NSUN2: variants seen among roughly 807,000 people sequenced by gnomAD.
The protein encoded by NSUN2 is NOP2/Sun RNA methyltransferase 2, also known as RNA cytosine C(5)-methyltransferase NSUN2.
Under a neutral mutation model 92.7 loss-of-function variants are expected in NSUN2, and 63 were observed. That is an observed-to-expected ratio of 0.68 (90% CI 0.56 to 0.84). The LOEUF is 0.84. Ranked by LOEUF, NSUN2 falls within the 40% of genes least tolerant of loss-of-function variation. The pLI, the probability that NSUN2 is intolerant of heterozygous loss-of-function variation, is 0.00. For missense variants in NSUN2, 989 were observed against 964.9 expected (o/e 1.02, Z -0.33); for synonymous variants, 356 against 348.3 (o/e 1.02, Z -0.25).
rs112951498 is a variant in NSUN2 at position 6,600,087 on chromosome 5, C to T, written c.2143G>A (p.Val715Ile). Residue 715 changes from valine to isoleucine, a missense_variant, in exon 19 of 19, where the codon GTT becomes ATT. Physicochemically the swap from Val to Ile is conservative, Grantham distance 29. This residue lies in a region of NSUN2 where 626 missense variants were observed against 602.3 expected (regional missense o/e 1.04). Transcript: ENST00000264670. ...EVLGEKKKEG[V>I]ILTNESAAST... ...GCTGCACTCTCATTTGTGAGGATAACCCCTTCCTTCTTCTTTTCTCCCAAT... is the reference window on the plus strand; with the variant it reads ...GCTGCACTCTCATTTGTGAGGATAATCCCTTCCTTCTTCTTTTCTCCCAAT... The T allele has an allele frequency of 7.9e-3, 12,797 of 1,614,208 alleles. 68 individuals are homozygous for T. The highest frequency in any genetic ancestry group is 1.0e-2 in the Non-Finnish European group (11,756 of 1,180,034).
intron 9 of NSUN2, among the ~76,000 whole-genome samples, chr5:6,615,615 GC>G (rs5865671): frequency 0.7 from 105,874 of 151,960 alleles, 37,080 homozygotes; most frequent in Middle Eastern, 0.78. Context: ...GACCGTGAAG[GC>G]CATCAACAAC....
chr5:6,604,670 T>G lies in NSUN2; in HGVS notation c.1753A>C (p.Ile585Leu). 1 of 1,613,724 alleles carries G rather than the reference T, an allele frequency of 6.2e-7. No homozygotes were observed. Among genetic ancestry groups the G allele is most frequent in the Non-Finnish European group, 8.5e-7 (1 of 1,179,782 alleles). ...SEKMKVINTG[I>L]KVWCRNNSGE... ...CTGTTATTTCTACACCAGACTTTGA[T>G]CCCCGTGTTAATAACCTGTAAGTAA... Residue 585 changes from isoleucine to leucine, a missense_variant, in exon 16 of 19, where the codon ATC becomes CTC. Around this residue, in one of 3 missense-constraint regions of NSUN2, gnomAD observed 626 missense variants for 602.3 expected, o/e 1.04. Coordinates refer to ENST00000264670, the MANE Select transcript of NSUN2 (RefSeq NM_017755.6).
At chr5:6,608,067 AT>A (rs1736851293) in intron 12 of NSUN2, among the ~76,000 whole-genome samples, 1 of 152,264 alleles carries the variant, frequency 6.6e-6, no homozygotes, top group Non-Finnish European at 1.5e-5. Context: ...AAATTAGGAT[AT>A]TTCAACACAG....
intron 4 of NSUN2, 108 bp from the exon 5 acceptor site, chr5:6,623,393 TTA>T: frequency 1.1e-6 from 1 of 871,010 alleles, no homozygotes; most frequent in Non-Finnish European, 1.7e-6. Context: ...GCACATAATC[TTA>T]TACAGAATGA....
chr5:6,619,993 G>A (rs748911093), intron 7 of NSUN2, 113 bp downstream of exon 7: 30 of 864,042 alleles, frequency 3.5e-5, no homozygotes, highest in Admixed American at 9.7e-5. Flanking sequence ...ATCTTTCTCC[G>A]CACCCCAAGA....
chr5:6,620,373 A>G, intron 6 of NSUN2, 75 bp from the exon 7 acceptor site: 2 of 1,167,238 alleles, frequency 1.7e-6, no homozygotes, highest in Non-Finnish European at 2.3e-6. Context: ...GCGACCTCCA[A>G]AGGTCAGCCA....
At chr5:6,611,684 G>A (rs996214981) in intron 10 of NSUN2, 41 bp downstream of exon 10, 1 of 1,544,662 alleles carries the variant, frequency 6.5e-7, no homozygotes, top group Non-Finnish European at 9.0e-7. Context: ...CAGTGATGCT[G>A]CACCTACTCT....
Position 6,611,043 on chromosome 5 carries a change from C to G in NSUN2, c.1138G>C (p.Val380Leu). The change falls in exon 11 of 19, where the codon GTT becomes CTT. Residue 380 changes from valine (V) to leucine (L), a missense_variant. This residue lies in a region of NSUN2 where 626 missense variants were observed against 602.3 expected (regional missense o/e 1.04). Coordinates refer to ENST00000264670, the MANE Select transcript of NSUN2 (RefSeq NM_017755.6). The stretch of plus-strand genomic sequence containing the variant: ...ATCTGGGTGTGTCTGCTGTGAGGAA[C>G]AGCGTCCCAGTCTGTAAACCACTGC... ...DGQWFTDWDAVPHSRHTQIRP... is the reference protein window; with the variant it reads ...DGQWFTDWDALPHSRHTQIRP... 1 of 1,614,156 alleles carries G rather than the reference C, an allele frequency of 6.2e-7. No homozygotes were observed. Among genetic ancestry groups the G allele is most frequent in the Non-Finnish European group, 8.5e-7 (1 of 1,180,036 alleles).
chr5:6,603,508 GGT>G (rs1736635801), intron 17 of NSUN2, among the ~76,000 whole-genome samples: 1 of 152,086 alleles, frequency 6.6e-6, no homozygotes, highest in Non-Finnish European at 1.5e-5. Context: ...TGGCTAACAC[GGT>G]GAAACCCCGT....
intron 9 of NSUN2, among the ~76,000 whole-genome samples, chr5:6,614,323 G>A (rs796893712): frequency 5.9e-5 from 9 of 152,160 alleles, no homozygotes; most frequent in African/African-American, 2.2e-4. Flanking sequence ...GGATGAAGAC[G>A]AACCCATCAG....
rs2126504465 is a variant in NSUN2 at position 6,625,659 on chromosome 5, CTTCA to C, written c.366_369del (p.Glu123AsnfsTer8). 1 of 1,613,704 alleles carries C rather than the reference CTTCA, an allele frequency of 6.2e-7. No homozygotes were observed. The highest frequency in any genetic ancestry group is 2.2e-5 in the East Asian group (1 of 44,882). ...CTTAAATTTGTGTGCCAGGCAAGTTCTTCAGGATACCTGACCAAAAAGAAAGCAA... is the reference window on the plus strand; with the variant it reads ...CTTAAATTTGTGTGCCAGGCAAGTTCGGATACCTGACCAAAAAGAAAGCAA... On this transcript the variant is annotated frameshift_variant, in exon 4 of 19. Coordinates refer to ENST00000264670, the MANE Select transcript of NSUN2 (RefSeq NM_017755.6). LOFTEE classifies it high-confidence loss of function.
intron 5 of NSUN2, among the ~76,000 whole-genome samples, chr5:6,622,723 T>C (rs2126500259): frequency 6.6e-6 from 1 of 151,976 alleles, no homozygotes; most frequent in East Asian, 1.9e-4. Context: ...GGTGCGCACC[T>C]GTAATCCCGG....
chr5:6,627,281 T>C (rs1343784833), intron 3 of NSUN2, among the ~76,000 whole-genome samples: 4 of 152,354 alleles, frequency 2.6e-5, no homozygotes, highest in East Asian at 1.9e-4. Context: ...TGCTATAGTA[T>C]TGGGCAAATA....
At chr5:6,606,115 C>T (rs1430302536) in intron 14 of NSUN2, among the ~76,000 whole-genome samples, 5 of 152,128 alleles carry the variant, frequency 3.3e-5, no homozygotes, top group Non-Finnish European at 7.3e-5. Context: ...GTCCTAAACC[C>T]TTTTCCTCTA....
In NSUN2 at chr5:6,623,250, G is replaced by A; in HGVS notation, c.501C>T (p.Ile167=). 6.3e-7 allele frequency: 1 copy of A among 1,597,470 alleles called. No homozygotes were observed. The highest frequency in any genetic ancestry group is 2.3e-5 in the East Asian group (1 of 44,150). The change falls in exon 5 of 19, where the codon ATC becomes ATT. Residue 167 remains isoleucine, a synonymous_variant. Transcript: ENST00000264670. ...GCCGCACGTTGAGGAGCAGTGGTGG[G>A]ATCATGCTAACAGCTTCTTGACGAC... is the stretch of plus-strand genomic sequence containing the variant. The part of the protein sequence containing the change: ...NISRQEAVSM[I]PPLLLNVRPH...
At chr5:6,615,852 G>C (rs1446700011) in intron 9 of NSUN2, among the ~76,000 whole-genome samples, 1 of 152,232 alleles carries the variant, frequency 6.6e-6, no homozygotes, top group Non-Finnish European at 1.5e-5. Context: ...CATAAAAGGA[G>C]AAATATTTTA....
At chr5:6,611,873 G>C (rs2126483585) in intron 9 of NSUN2, 75 bp from the exon 10 acceptor site, 3 of 1,194,054 alleles carry the variant, frequency 2.5e-6, no homozygotes, top group East Asian at 2.4e-5. Flanking sequence ...AAAAAAACCA[G>C]ACACAGATCA....
rs749968269 is a variant in NSUN2 at position 6,632,659 on chromosome 5, T to C, written c.194A>G (p.Gln65Arg). The stretch of plus-strand genomic sequence containing the variant: ...CGGCTCCCTGAGAGCGTCCATGAAC[T>C]GGCCCCACTCGCCCTCGGGCACGAT... ...LKIVPEGEWGQFMDALREPLP... is the reference protein window; with the variant it reads ...LKIVPEGEWGRFMDALREPLP... Residue 65 changes from glutamine (Q) to arginine (R), a missense_variant, in exon 2 of 19, where the codon CAG becomes CGG. This residue lies in a region of NSUN2 where 356 missense variants were observed against 338.6 expected (regional missense o/e 1.05). Transcript: ENST00000264670. 1 of 1,614,150 alleles carries C rather than the reference T, an allele frequency of 6.2e-7. No individual in the cohort carries two copies. Among genetic ancestry groups the C allele is most frequent in the Admixed American group, 1.7e-5 (1 of 60,028 alleles).
At position 6,620,246 on chromosome 5, in the gene NSUN2, G is replaced by C; in HGVS notation, c.675C>G (p.Val225=). The C allele has an allele frequency of 6.2e-7, 1 of 1,610,798 alleles. No individual in the cohort carries two copies. Among genetic ancestry groups the C allele is most frequent in the Non-Finnish European group, 8.5e-7 (1 of 1,178,836 alleles). ...GGCTGCTCAGCCTCTTGGCTTGATG[G>C]ACGAGCAGGTAGCAGCGCTTGTTGT... ...DVDNKRCYLL[V]HQAKRLSSPC... Residue 225 remains valine, a synonymous_variant, in exon 7 of 19, where the codon GTC becomes GTG. Coordinates refer to ENST00000264670, the MANE Select transcript of NSUN2 (RefSeq NM_017755.6).
Sources: allele counts gnomAD v4.1 joint callset (sites outside exome capture counted in the v4.1 genomes callset), GRCh38; gene constraint gnomAD v4.1.1; regional missense constraint gnomAD v4.1.1; transcripts MANE v1.5; gene names NCBI Gene and HGNC (gene_info 2026-07-23, HGNC 2026-07-21).